Variants in ZMYND8 observed in about 807,000 individuals in gnomAD.
ZMYND8 encodes MYND-type zinc finger-containing chromatin reader ZMYND8.
Under a neutral mutation model 140.8 loss-of-function variants are expected in ZMYND8, and 37 were observed. That is an observed-to-expected ratio of 0.26 (90% CI 0.20 to 0.35). The LOEUF (loss-of-function observed/expected upper bound fraction) is 0.35, where lower values mean the gene tolerates loss of function less well. Among genes scored for constraint, ZMYND8 ranks in the 10% least tolerant of loss-of-function variants. ZMYND8 has a pLI of 1.00. For synonymous variants in ZMYND8, 592 were observed against 597.1 expected (o/e 0.99, Z 0.12); for missense variants, 1,068 against 1,570.0 (o/e 0.68, Z 5.40).
In ZMYND8 at chr20:47,281,982, A is replaced by G. The variant is rs144230704; in HGVS notation, c.998+120T>C. On this transcript the variant is annotated intron_variant, in intron 10 of 22. Coordinates refer to ENST00000471951, the MANE Select transcript of ZMYND8 (RefSeq NM_001281775.3). ...GAAATTTATTTCAACAACAAGATCA[A>G]TGGTTGGTATCATGACAATAATGAG... is the stretch of plus-strand genomic sequence containing the variant. 1.3e-4 allele frequency: 107 copies of G among 836,832 alleles called. No homozygotes were observed. The African/African-American group carries it at 1.6e-3, about 13-fold the overall frequency. 51.8% of individuals were successfully genotyped at this position (836,832 alleles called of 1,614,324 possible).
chr20:47,255,718 G>GTC lies in ZMYND8; in HGVS notation c.1622-6280_1622-6279insGA. On this transcript the variant is annotated intron_variant, in intron 12 of 22. Transcript: ENST00000471951. ...ATATATATATATATATACCGTGTATGTGTGTATATATATATATATATATAT... is the reference window on the plus strand; with the variant it reads ...ATATATATATATATATACCGTGTATGTCTGTGTATATATATATATATATATAT... Among the ~76,000 whole-genome samples, 3 of 24,298 alleles carry GTC rather than the reference G, an allele frequency of 1.2e-4. No homozygotes were observed. In the South Asian group the frequency reaches 6.3e-3, roughly 51 times the overall value. 15.9% of individuals were successfully genotyped at this position (24,298 alleles called of 152,430 possible). A position where few individuals can be genotyped will look rare whatever the true frequency, so the allele number is the denominator to read the frequency against.
At position 47,294,651 on chromosome 20, in the gene ZMYND8, G is replaced by A; in HGVS notation, c.567+15C>T. The A allele has an allele frequency of 6.2e-7, 1 of 1,608,476 alleles. No individual in the cohort carries two copies. The highest frequency in any genetic ancestry group is 8.5e-7 in the Non-Finnish European group (1 of 1,174,942). ...CGTTCATTTACGCGTATACCAAGAG[G>A]AACTTTCTTCTTACCCCTGGCTGTT... On this transcript the variant is annotated intron_variant, in intron 5 of 22. Transcript: ENST00000471951.
intron 11 of ZMYND8, among the ~76,000 whole-genome samples, chr20:47,267,635 G>A (rs750486230): frequency 6.2e-4 from 95 of 152,168 alleles, no homozygotes; most frequent in Non-Finnish European, 3.7e-4. Context: ...CAGCAGCCAG[G>A]GCAGAACCCC....
intron 12 of ZMYND8, among the ~76,000 whole-genome samples, chr20:47,255,584 GTGTGTGTGTGTA>G (rs1474619010): frequency 4.0e-5 from 2 of 49,532 alleles, no homozygotes; most frequent in African/African-American, 1.1e-4. Flanking sequence ...GTGTGTGTGT[GTGTGTGTGTGTA>G]TATATATATA....
chr20:47,237,659 T>C (rs2039419739), intron 15 of ZMYND8: 1 of 152,246 alleles, frequency 6.6e-6, no homozygotes, highest in Admixed American at 6.5e-5. Context: ...TCGCCATCTG[T>C]GAAGGGTTTC....
chr20:47,308,739 G>A (rs1416802554), intron 3 of ZMYND8, among the ~76,000 whole-genome samples: 1 of 152,142 alleles, frequency 6.6e-6, no homozygotes, highest in Non-Finnish European at 1.5e-5. Flanking sequence ...CCACAGCCAC[G>A]GAGCAAAAGC....
chr20:47,333,769 G>A (rs549274008), intron 2 of ZMYND8, among the ~76,000 whole-genome samples: 103 of 140,052 alleles, frequency 7.4e-4, no homozygotes, highest in Middle Eastern at 7.8e-3. Flanking sequence ...TTAGCTGGGC[G>A]TGATGGTGCT....
At chr20:47,239,174 G>A (rs981433258) in intron 14 of ZMYND8, 36 bp from the exon 15 acceptor site, 3 of 1,484,078 alleles carry the variant, frequency 2.0e-6, no homozygotes, top group Non-Finnish European at 1.8e-6. Context: ...AACAAAAACC[G>A]GATTTCACTC....
chr20:47,327,943 T>C (rs1369199274), intron 2 of ZMYND8, among the ~76,000 whole-genome samples: 1 of 152,172 alleles, frequency 6.6e-6, no homozygotes, highest in Non-Finnish European at 1.5e-5. Flanking sequence ...GCCTCCCACG[T>C]AGCTGAGGCT....
At chr20:47,341,853 A>C (rs1395817296) in intron 2 of ZMYND8, among the ~76,000 whole-genome samples, 3 of 151,390 alleles carry the variant, frequency 2.0e-5, no homozygotes, top group Non-Finnish European at 4.4e-5. Flanking sequence ...AATACAAAAA[A>C]TTAGCCGGGC....
At chr20:47,313,422 A>G (rs568392877) in intron 2 of ZMYND8, among the ~76,000 whole-genome samples, 54 of 151,904 alleles carry the variant, frequency 3.6e-4, no homozygotes, top group Admixed American at 5.3e-4. Context: ...GGAGATCGAG[A>G]CCATCCTGGC....
At chr20:47,285,814 C>T (rs779224333) in intron 8 of ZMYND8, 7 of 984,422 alleles carry the variant, frequency 7.1e-6, no homozygotes, top group South Asian at 4.7e-5. Flanking sequence ...GTTCTTCCTA[C>T]GAGTTTAATT....
At chr20:47,240,434 A>G (rs890683563) in intron 14 of ZMYND8, among the ~76,000 whole-genome samples, 11 of 151,006 alleles carry the variant, frequency 7.3e-5, no homozygotes, top group Non-Finnish European at 7.4e-5. Flanking sequence ...GAATCGCTTG[A>G]ACCCGGGACG....
At chr20:47,345,557 G>C (rs2082267132) in intron 2 of ZMYND8, among the ~76,000 whole-genome samples, 1 of 151,298 alleles carries the variant, frequency 6.6e-6, no homozygotes, top group South Asian at 2.1e-4. Flanking sequence ...CCCTAGGCCG[G>C]AGTGCAAAGG....
At chr20:47,266,830 T>G (rs956457328) in intron 11 of ZMYND8, among the ~76,000 whole-genome samples, 2 of 152,250 alleles carry the variant, frequency 1.3e-5, no homozygotes, top group African/African-American at 4.8e-5. Flanking sequence ...TGTGTGTGTG[T>G]GGTGTGTGGT....
chr20:47,235,542 T>TA (rs1175155399), intron 16 of ZMYND8, among the ~76,000 whole-genome samples: 1 of 151,764 alleles, frequency 6.6e-6, no homozygotes, highest in Non-Finnish European at 1.5e-5. Flanking sequence ...CCATCTCTAC[T>TA]AAAAAAATAC....
chr20:47,251,633 C>T (rs566322714), intron 12 of ZMYND8, among the ~76,000 whole-genome samples: 46 of 152,058 alleles, frequency 3.0e-4, no homozygotes, highest in African/African-American at 1.0e-3. Flanking sequence ...TCTTTATACC[C>T]GTCTCTGTCC....
intron 2 of ZMYND8, among the ~76,000 whole-genome samples, chr20:47,330,495 T>C (rs1342092542): frequency 1.3e-5 from 2 of 151,336 alleles, no homozygotes; most frequent in Admixed American, 1.3e-4. Flanking sequence ...TGAGACACCA[T>C]GCCCTTAAGG....
intron 1 of ZMYND8, chr20:47,355,666 GGAGAA>G (rs1405126394): frequency 1.7e-5 from 3 of 179,910 alleles, no homozygotes; most frequent in Non-Finnish European, 3.2e-5. Context: ...CCATGACACA[GGAGAA>G]GAGAGGAGGA....
Sources: gnomAD v4.1 joint callset for allele counts (sites outside exome capture counted in the v4.1 genomes callset) on GRCh38, gnomAD v4.1.1 for gene constraint, MANE v1.5 for transcripts, NCBI Gene and HGNC (gene_info 2026-07-23, HGNC 2026-07-21) for gene names.